The following GRM5 variants were observed in gnomAD, a reference collection of about 807,000 sequenced individuals.
GRM5 encodes the protein metabotropic glutamate receptor 5.
Under a neutral mutation model 83.1 loss-of-function variants are expected in GRM5, and 19 were observed. The ratio of observed to expected loss-of-function variants is 0.23; its 90% CI spans 0.16 to 0.34. The LOEUF is 0.34. Among genes scored for constraint, GRM5 ranks in the 10% least tolerant of loss-of-function variants. The pLI is 1.00. For synonymous variants in GRM5, 675 were observed against 633.6 expected, an observed-to-expected ratio of 1.07 and a Z score of -0.98; for missense variants, 1,160 against 1,588.3, an observed-to-expected ratio of 0.73 and a Z score of 4.58.
In GRM5 at chr11:88,567,875, A is replaced by G. The variant is rs1331140264; in HGVS notation, c.1808T>C (p.Ile603Thr). Residue 603 changes from isoleucine (I) to threonine (T), a missense_variant, in exon 8 of 10, where the codon ATT becomes ACT. Physicochemically the swap from Ile to Thr is moderately conservative, Grantham distance 89. Transcript: ENST00000305447. The surrounding 1 kb of genome is among the most constrained non-coding windows in gnomAD (Gnocchi z 7.3). The part of the protein sequence containing the change: ...ATLFVTVVFI[I>T]YRDTPVVKSS... ...CTTGACTACTGGTGTATCACGGTAA[A>G]TGATGAAGACTACAGTAACAAACAG... 1 of 1,613,848 alleles carries G rather than the reference A, an allele frequency of 6.2e-7. No individual in the cohort carries two copies. Among genetic ancestry groups the G allele is most frequent in the Non-Finnish European group, 8.5e-7 (1 of 1,179,714 alleles).
intron 2 of GRM5, among the ~76,000 whole-genome samples, chr11:88,923,629 A>G (rs1199784196): frequency 6.6e-6 from 1 of 152,088 alleles, no homozygotes; most frequent in Non-Finnish European, 1.5e-5. Context: ...AATATCTAGT[A>G]TTTGATAGCA....
chr11:89,008,627 A>C (rs1940596301), intron 2 of GRM5, among the ~76,000 whole-genome samples: 1 of 152,124 alleles, frequency 6.6e-6, no homozygotes, highest in Non-Finnish European at 1.5e-5. Flanking sequence ...TACTGGTTTC[A>C]TCGTAAGGTT....
At chr11:88,797,716 G>A (rs1015592038) in intron 3 of GRM5, among the ~76,000 whole-genome samples, 64 of 151,648 alleles carry the variant, frequency 4.2e-4, no homozygotes, top group African/African-American at 1.4e-3. Context: ...TCACAATATA[G>A]GATCCTATTT....
intron 1 of GRM5, among the ~76,000 whole-genome samples, chr11:89,054,718 G>A (rs1565353952): frequency 1.3e-5 from 2 of 151,934 alleles, no homozygotes; most frequent in Non-Finnish European, 2.9e-5. Context: ...TGTGAAGTGA[G>A]GAGAGAGAAG....
rs536607630 is a variant in GRM5, at chr11:88,888,302, C to T, written c.662-38147G>A. ...CCCTAACTGCAGCTAAAACAGACAG[C>T]TCTGCAAGCAGCAGAGAATTTCTGA... On this transcript the variant is annotated intron_variant, in intron 2 of 9. Transcript: ENST00000305447. 7.9e-5 allele frequency among the ~76,000 whole-genome samples: 12 copies of T among 152,276 alleles called. No homozygotes were observed. In the Middle Eastern group the frequency reaches 0.02, roughly 259 times the overall value.
At chr11:88,905,867 G>A (rs530159034) in intron 2 of GRM5, among the ~76,000 whole-genome samples, 4 of 152,124 alleles carry the variant, frequency 2.6e-5, no homozygotes, top group Non-Finnish European at 5.9e-5. Context: ...CAAGGCAGGA[G>A]GCAGTGGTGG....
At chr11:88,834,363 T>C (rs796150228) in intron 3 of GRM5, among the ~76,000 whole-genome samples, 2 of 152,336 alleles carry the variant, frequency 1.3e-5, no homozygotes, top group African/African-American at 4.8e-5. Context: ...AAAAGGTAAA[T>C]TGAGAGAATC....
Position 88,733,695 on chromosome 11 carries a change from C to T in GRM5, c.912-80292G>A, listed in dbSNP as rs200204501. Among the ~76,000 whole-genome samples the T allele has an allele frequency of 5.9e-5, 9 of 151,988 alleles. No individual in the cohort carries two copies. In the East Asian group the frequency reaches 1.4e-3, roughly 23 times the overall value. On this transcript the variant is annotated intron_variant, in intron 3 of 9. Transcript: ENST00000305447. ...ATATTAAGATTTCTGAGAGTTGACCCACAGGTCTAGACATTTTCTCTGCTT... is the reference window on the plus strand; with the variant it reads ...ATATTAAGATTTCTGAGAGTTGACCTACAGGTCTAGACATTTTCTCTGCTT...
chr11:88,679,848 A>G (rs1940432299), intron 3 of GRM5, among the ~76,000 whole-genome samples: 1 of 152,158 alleles, frequency 6.6e-6, no homozygotes, highest in Non-Finnish European at 1.5e-5. Context: ...GATTTTAAAT[A>G]AGGCACCATT....
At chr11:88,933,119 T>C (rs1457594194) in intron 2 of GRM5, among the ~76,000 whole-genome samples, 1 of 150,948 alleles carries the variant, frequency 6.6e-6, no homozygotes. Context: ...TTCTATCTTT[T>C]AATAAACTCC....
chr11:89,044,501 G>A (rs951725914), intron 2 of GRM5, among the ~76,000 whole-genome samples: 2 of 152,084 alleles, frequency 1.3e-5, no homozygotes, highest in Non-Finnish European at 2.9e-5. Context: ...CTTTCTTGAA[G>A]GAACATCTTG....
At chr11:88,801,059 A>G (rs1225703987) in intron 3 of GRM5, among the ~76,000 whole-genome samples, 1 of 152,110 alleles carries the variant, frequency 6.6e-6, no homozygotes, top group Admixed American at 6.6e-5. Context: ...GTCATTGGCT[A>G]TATTGTACTG....
intron 3 of GRM5, among the ~76,000 whole-genome samples, chr11:88,694,265 G>A (rs1319874072): frequency 6.6e-6 from 1 of 152,122 alleles, no homozygotes; most frequent in Non-Finnish European, 1.5e-5. Context: ...AAATTCCTGT[G>A]TATTGTGTTT....
At chr11:88,960,025 A>G (rs1399470827) in intron 2 of GRM5, among the ~76,000 whole-genome samples, 1 of 152,108 alleles carries the variant, frequency 6.6e-6, no homozygotes, top group Non-Finnish European at 1.5e-5. Context: ...GAAGGGAGGA[A>G]GCAAGCCATG....
intron 9 of GRM5, among the ~76,000 whole-genome samples, chr11:88,524,477 C>T (rs1244040466): frequency 6.6e-6 from 1 of 152,174 alleles, no homozygotes; most frequent in Non-Finnish European, 1.5e-5. Flanking sequence ...CTTGGCCTCC[C>T]AAAGTGTTGG....
At chr11:88,990,933 T>A (rs1373870437) in intron 2 of GRM5, among the ~76,000 whole-genome samples, 1 of 152,262 alleles carries the variant, frequency 6.6e-6, no homozygotes, top group Admixed American at 6.5e-5. Context: ...ACTGGAAGCA[T>A]TCCCTTTGAA....
At chr11:88,757,816 A>G (rs1565216816) in intron 3 of GRM5, among the ~76,000 whole-genome samples, 1 of 152,034 alleles carries the variant, frequency 6.6e-6, no homozygotes. Flanking sequence ...TAGCCCTACA[A>G]AATGCTTTGG....
chr11:88,892,767 G>A (rs1349012953), intron 2 of GRM5, among the ~76,000 whole-genome samples: 1 of 152,100 alleles, frequency 6.6e-6, no homozygotes, highest in African/African-American at 2.4e-5. Flanking sequence ...GTGATCTCCT[G>A]CAGCTTGGAA....
intron 2 of GRM5, among the ~76,000 whole-genome samples, chr11:88,963,123 T>C (rs1409244704): frequency 6.6e-6 from 1 of 151,690 alleles, no homozygotes; most frequent in African/African-American, 2.4e-5. Context: ...CAAAAAAAAC[T>C]TACCAAAGGA....
Sources: gnomAD v4.1 joint callset for allele counts (sites outside exome capture counted in the v4.1 genomes callset) on GRCh38, gnomAD v4.1.1 for gene constraint, Gnocchi (gnomAD v3.1) non-coding constraint, MANE v1.5 for transcripts, NCBI Gene and HGNC (gene_info 2026-07-23, HGNC 2026-07-21) for gene names.